MED12L: variants seen among roughly 807,000 people sequenced by gnomAD.
The protein encoded by MED12L is mediator complex subunit 12L, also known as mediator of RNA polymerase II transcription subunit 12-like protein.
Under a neutral mutation model 281.3 loss-of-function variants are expected in MED12L, and 60 were observed. The observed-to-expected ratio is 0.21, with a 90% CI of 0.17 to 0.26. The LOEUF is 0.26. MED12L is among the 10% of genes least tolerant of loss of function. MED12L has a pLI of 1.00. For synonymous variants in MED12L, 974 were observed against 987.2 expected (o/e 0.99, Z 0.25); for missense variants, 2,146 against 2,680.9 (o/e 0.80, Z 4.41).
At chr3:151,384,414 A>G (rs1460994323) in intron 35 of MED12L, among the ~76,000 whole-genome samples, 196 bp downstream of exon 35, 4 of 152,230 alleles carry the variant, frequency 2.6e-5, no homozygotes, top group Non-Finnish European at 5.9e-5. Context: ...TTTTTATTGA[A>G]AACAATTACA....
intron 34 of MED12L, 96 bp downstream of exon 34, chr3:151,383,984 G>T: frequency 1.3e-6 from 2 of 1,483,904 alleles, no homozygotes; most frequent in East Asian, 2.4e-5. Context: ...TTATTTACTT[G>T]GATGCTATTA....
intron 2 of MED12L, among the ~76,000 whole-genome samples, chr3:151,091,591 A>G (rs1488292920): frequency 6.6e-6 from 1 of 152,220 alleles, no homozygotes; most frequent in East Asian, 1.9e-4. Flanking sequence ...GTTTGGTTTA[A>G]CAGCCAACCC....
rs368017606 is a variant in MED12L, at chr3:151,413,231, C to G, written c.6233C>G (p.Pro2078Arg). The G allele has an allele frequency of 6.2e-7, 1 of 1,614,178 alleles. No homozygotes were observed. The highest frequency in any genetic ancestry group is 8.5e-7 in the Non-Finnish European group (1 of 1,180,040). ...TSAHPNLPSVPLPQDPMRPRQ... is the reference protein window; with the variant it reads ...TSAHPNLPSVRLPQDPMRPRQ... ...GCACATCCAAACCTTCCCTCCGTGC[C>G]CCTGCCTCAGGATCCCATGAGACCC... The change falls in exon 42 of 45, where the codon CCC becomes CGC. Residue 2078 changes from proline to arginine, a missense_variant. Physicochemically the swap from Pro to Arg is moderately radical, Grantham distance 103. Coordinates refer to ENST00000687756, the MANE Select transcript of MED12L (RefSeq NM_001393769.1).
At chr3:151,134,676 AC>A (rs941417938) in intron 5 of MED12L, among the ~76,000 whole-genome samples, 5 of 152,190 alleles carry the variant, frequency 3.3e-5, no homozygotes, top group African/African-American at 1.2e-4. Context: ...AGAGGAAGTG[AC>A]TTAGGTGTAT....
intron 16 of MED12L, among the ~76,000 whole-genome samples, chr3:151,244,833 GT>G (rs1404154297): frequency 5.9e-5 from 9 of 152,018 alleles, no homozygotes; most frequent in Admixed American, 5.9e-4. Context: ...CCAGGAGCTG[GT>G]TTTTTTGAAA....
At chr3:151,313,721 A>ATAATCCC (rs1473845416) in intron 16 of MED12L, among the ~76,000 whole-genome samples, 1 of 152,036 alleles carries the variant, frequency 6.6e-6, no homozygotes, top group African/African-American at 2.4e-5. Flanking sequence ...GTGGGCGCCT[A>ATAATCCC]TAATCCCAGC....
intron 3 of MED12L, 87 bp downstream of exon 3, chr3:151,116,529 GT>G (rs151276443): frequency 1.2e-6 from 1 of 840,684 alleles, no homozygotes; most frequent in Non-Finnish European, 1.9e-6. Flanking sequence ...AATTAGTGTT[GT>G]TTAAGCCACA....
intron 16 of MED12L, chr3:151,328,519 C>T (rs756154673): frequency 1.5e-5 from 25 of 1,613,812 alleles, no homozygotes; most frequent in South Asian, 6.6e-5. Context: ...TGCTCAAGAT[C>T]GTATTTGGCA....
intron 40 of MED12L, among the ~76,000 whole-genome samples, chr3:151,410,812 T>G (rs1198449424): frequency 6.6e-6 from 1 of 152,234 alleles, no homozygotes; most frequent in Non-Finnish European, 1.5e-5. Flanking sequence ...CCTGAAGAGG[T>G]GTAGTCACAT....
chr3:151,125,396 T>C (rs538273531), intron 4 of MED12L, among the ~76,000 whole-genome samples: 88 of 152,354 alleles, frequency 5.8e-4, no homozygotes, highest in South Asian at 1.2e-3. Flanking sequence ...GCTGTTAATG[T>C]AAGATCTGTG....
chr3:151,309,139 A>ATG (rs1553775158), intron 16 of MED12L, among the ~76,000 whole-genome samples: 1,503 of 96,398 alleles, frequency 0.016, 25 homozygotes, highest in African/African-American at 0.06. Flanking sequence ...ACACACACAC[A>ATG]CGCACACACA....
intron 2 of MED12L, among the ~76,000 whole-genome samples, chr3:151,113,993 T>C (rs528472032): frequency 1.3e-5 from 2 of 152,340 alleles, no homozygotes; most frequent in Admixed American, 1.3e-4. Context: ...TATAATACTC[T>C]GACGGCAAAT....
At chr3:151,388,416 A>G (rs1713759418) in intron 37 of MED12L, among the ~76,000 whole-genome samples, 1 of 152,218 alleles carries the variant, frequency 6.6e-6, no homozygotes, top group Admixed American at 6.5e-5. Context: ...CTTCCATTGT[A>G]ATATTTAATT....
At chr3:151,169,106 G>C (rs77855461) in intron 11 of MED12L, among the ~76,000 whole-genome samples, 2 of 115,948 alleles carry the variant, frequency 1.7e-5, no homozygotes, top group African/African-American at 6.5e-5. Flanking sequence ...CTTTTTCTTT[G>C]TTTTTTTTTT....
intron 16 of MED12L, among the ~76,000 whole-genome samples, chr3:151,293,662 CACACA>C (rs1744615200): frequency 1.4e-5 from 2 of 139,758 alleles, no homozygotes; most frequent in Non-Finnish European, 3.1e-5. Flanking sequence ...CACACACACA[CACACA>C]CACACACACA....
In MED12L at chr3:151,356,623, GT is replaced by G. The variant is rs888903146; in HGVS notation, c.2662-581del. ...TGTGAGAGTTTTGAGTGTTTCTTCT[GT>G]TTTTTTTTGTTGTTGTTGTTGTTTT... On this transcript the variant is annotated intron_variant, in intron 19 of 44. Coordinates refer to ENST00000687756, the MANE Select transcript of MED12L (RefSeq NM_001393769.1). Among the ~76,000 whole-genome samples, 178 of 150,114 alleles carry G rather than the reference GT, an allele frequency of 1.2e-3. 1 individual carries two copies. The highest frequency in any genetic ancestry group is 4.2e-3 in the African/African-American group (174 of 40,956).
rs1205613477 is a variant in MED12L, at chr3:151,248,057, T to TTTGGAAA, written c.2250+54394_2250+54400dup. Among the ~76,000 whole-genome samples, 3 of 150,912 alleles carry TTTGGAAA rather than the reference T, an allele frequency of 2.0e-5. No individual in the cohort carries two copies. The East Asian group carries it at 5.8e-4, about 29-fold the overall frequency. ...TCTAAATTATCTATTAGTCTAGATT[T>TTTGGAAA]TTGGAAATTACTACATAATTTATAG... On this transcript the variant is annotated intron_variant, in intron 16 of 44. Transcript: ENST00000687756.
Position 151,409,224 on chromosome 3 carries a change from CT to C in MED12L, c.5821-16del. The C allele has an allele frequency of 6.3e-7, 1 of 1,575,324 alleles. No individual in the cohort carries two copies. Among genetic ancestry groups the C allele is most frequent in the Non-Finnish European group, 8.6e-7 (1 of 1,165,878 alleles). On this transcript the variant is annotated intron_variant, in intron 39 of 44. Transcript: ENST00000687756. ...CCTTGCTGTTATGATCAAGAGTTTGCTTTGGCTTTGTTTTCCAGGGCCAGCC... is the reference window on the plus strand; with the variant it reads ...CCTTGCTGTTATGATCAAGAGTTTGCTTGGCTTTGTTTTCCAGGGCCAGCC...
chr3:151,267,586 AT>A (rs1465945046), intron 16 of MED12L, among the ~76,000 whole-genome samples: 1 of 152,172 alleles, frequency 6.6e-6, no homozygotes, highest in Non-Finnish European at 1.5e-5. Flanking sequence ...AATTTAAAAC[AT>A]TTTTTTAAAG....
Sources: allele counts gnomAD v4.1 joint callset (sites outside exome capture counted in the v4.1 genomes callset), GRCh38; gene constraint gnomAD v4.1.1; transcripts MANE v1.5; gene names NCBI Gene and HGNC (gene_info 2026-07-23, HGNC 2026-07-21).